CEP15: variants seen among roughly 807,000 people sequenced by gnomAD.
CEP15 encodes the protein centrosomal protein 15 kDa.
the CEP15 span, chr3:62,333,381 C>T: frequency 6.2e-7 from 1 of 1,610,150 alleles, no homozygotes; most frequent in Non-Finnish European, 8.5e-7. This position sits in a 1 kb window ranked among gnomAD's most constrained non-coding sequence, Gnocchi z 4.0. Flanking sequence ...AAATGAGGCA[C>T]AGCGATAACT....
At chr3:62,332,134 A>G in the CEP15 span, among the ~76,000 whole-genome samples, 3 of 152,090 alleles carry the variant, frequency 2.0e-5, no homozygotes, top group African/African-American at 7.2e-5. Context: ...TGTCTTGGAC[A>G]TGCTTTTTCT....
chr3:62,320,169 CTT>C, the CEP15 span, among the ~76,000 whole-genome samples: 5 of 152,092 alleles, frequency 3.3e-5, no homozygotes, highest in African/African-American at 1.2e-4. Context: ...GTTTAGTAGT[CTT>C]AGTACCAGCT....
the CEP15 span, chr3:62,322,198 G>T: frequency 3.6e-6 from 3 of 827,276 alleles, no homozygotes; most frequent in Non-Finnish European, 5.7e-6. This position sits in a 1 kb window ranked among gnomAD's most constrained non-coding sequence, Gnocchi z 5.5. Context: ...AAAAGCCCAT[G>T]TCAGTTAGAT....
chr3:62,326,359 A>G, the CEP15 span, among the ~76,000 whole-genome samples: 11 of 152,102 alleles, frequency 7.2e-5, no homozygotes, highest in African/African-American at 2.4e-4. Context: ...TTAGTATCTT[A>G]TTTTTTCTAT....
chr3:62,333,731 T>TTTAAG, the CEP15 span: 1 of 164,678 alleles, frequency 6.1e-6, no homozygotes, highest in Non-Finnish European at 1.3e-5. This position sits in a 1 kb window ranked among gnomAD's most constrained non-coding sequence, Gnocchi z 4.0. Context: ...TGGTTCTGGT[T>TTTAAG]TTAAGTTAAG....
At chr3:62,326,506 G>C in the CEP15 span, among the ~76,000 whole-genome samples, 1 of 152,190 alleles carries the variant, frequency 6.6e-6, no homozygotes, top group Non-Finnish European at 1.5e-5. Flanking sequence ...GGAAGAGAAA[G>C]AGATCTCAGC....
the CEP15 span, among the ~76,000 whole-genome samples, chr3:62,326,239 T>A: frequency 2.0e-5 from 3 of 152,180 alleles, no homozygotes; most frequent in African/African-American, 7.2e-5. Flanking sequence ...GGTCGGTGAC[T>A]TACAGGACCC....
chr3:62,331,237 A>G, the CEP15 span: 1 of 1,103,822 alleles, frequency 9.1e-7, no homozygotes, highest in Non-Finnish European at 1.4e-6. Context: ...AGTTGAGGTG[A>G]GAGATTTGGG....
At chr3:62,330,605 A>G in the CEP15 span, among the ~76,000 whole-genome samples, 1 of 152,182 alleles carries the variant, frequency 6.6e-6, no homozygotes, top group Non-Finnish European at 1.5e-5. Context: ...GAGAAAATAC[A>G]CATATGTACA....
chr3:62,329,544 A>G, the CEP15 span, among the ~76,000 whole-genome samples: 3 of 152,212 alleles, frequency 2.0e-5, no homozygotes, highest in Non-Finnish European at 4.4e-5. Context: ...CATCTAAGAA[A>G]GCAAATATCT....
At chr3:62,319,060 G>C in the CEP15 span, 1 of 152,384 alleles carries the variant, frequency 6.6e-6, no homozygotes, top group Non-Finnish European at 1.5e-5. Flanking sequence ...GGCTCGGTGA[G>C]TGGAGTCGGA....
the CEP15 span, among the ~76,000 whole-genome samples, chr3:62,331,629 A>G: frequency 2.6e-3 from 390 of 152,242 alleles, 1 homozygote; most frequent in Non-Finnish European, 4.7e-3. Context: ...TTTTATAAAG[A>G]TAGGGATCTT....
the CEP15 span, among the ~76,000 whole-genome samples, chr3:62,320,811 T>A: frequency 6.6e-6 from 1 of 152,218 alleles, no homozygotes; most frequent in African/African-American, 2.4e-5. Context: ...TCTAAACCTC[T>A]TACACAGGGC....
chr3:62,333,804 T>TA, the CEP15 span: 4 of 152,584 alleles, frequency 2.6e-5, no homozygotes, highest in East Asian at 5.8e-4. The surrounding 1 kb of genome is among the most constrained non-coding windows in gnomAD (Gnocchi z 4.0). Context: ...TTTTTTTTTT[T>TA]AAACCATTAT....
chr3:62,330,494 G>A, the CEP15 span, among the ~76,000 whole-genome samples: 1 of 152,138 alleles, frequency 6.6e-6, no homozygotes, highest in East Asian at 1.9e-4. Context: ...AATTTGCGGA[G>A]TCCTGCATTT....
the CEP15 span, chr3:62,334,969 G>A: frequency 1.3e-5 from 2 of 151,834 alleles, no homozygotes; most frequent in Admixed American, 1.3e-4. This position sits in a 1 kb window ranked among gnomAD's most constrained non-coding sequence, Gnocchi z 4.9. Context: ...ATGCACATAA[G>A]AAGGTGAATG....
At chr3:62,333,259 G>A in the CEP15 span, 37 of 1,606,946 alleles carry the variant, frequency 2.3e-5, no homozygotes, top group East Asian at 4.0e-4. This position sits in a 1 kb window ranked among gnomAD's most constrained non-coding sequence, Gnocchi z 4.0. Flanking sequence ...TTCCAGACTC[G>A]TTACTGGGCA....
At chr3:62,333,486 T>C in the CEP15 span, 1 of 1,332,196 alleles carries the variant, frequency 7.5e-7, no homozygotes, top group African/African-American at 1.5e-5. This position sits in a 1 kb window ranked among gnomAD's most constrained non-coding sequence, Gnocchi z 4.0. Flanking sequence ...AATATGTTCA[T>C]ATTCTTCGAT....
the CEP15 span, among the ~76,000 whole-genome samples, chr3:62,324,621 G>A: frequency 1.3e-5 from 2 of 152,132 alleles, no homozygotes; most frequent in Non-Finnish European, 2.9e-5. Flanking sequence ...AAGCAATTGT[G>A]AAAACCACTG....
Sources: gnomAD v4.1 joint callset for allele counts (sites outside exome capture counted in the v4.1 genomes callset) on GRCh38, gnomAD v4.1.1 for gene constraint, Gnocchi (gnomAD v3.1) non-coding constraint, MANE v1.5 for transcripts, NCBI Gene and HGNC (gene_info 2026-07-23, HGNC 2026-07-21) for gene names.